IGF1R: variants seen among roughly 807,000 people sequenced by gnomAD.
IGF1R encodes insulin like growth factor 1 receptor, also known as insulin-like growth factor 1 receptor.
Under a neutral mutation model 144.6 loss-of-function variants are expected in IGF1R, and 44 were observed. The observed-to-expected ratio is 0.30, with a 90% confidence interval of 0.24 to 0.39. The LOEUF (loss-of-function observed/expected upper bound fraction) is 0.39. Among genes scored for constraint, IGF1R ranks in the 10% least tolerant of loss-of-function variants. IGF1R has a pLI of 1.00. For synonymous variants in IGF1R, 795 were observed against 722.8 expected, an observed-to-expected ratio of 1.10 and a Z score of -1.60; for missense variants, 1,355 against 1,833.7, an observed-to-expected ratio of 0.74 and a Z score of 4.77.
intron 10 of IGF1R, among the ~76,000 whole-genome samples, chr15:98,918,579 G>A (rs2015349853): frequency 1.3e-5 from 2 of 151,904 alleles, no homozygotes; most frequent in African/African-American, 2.4e-5. Context: ...CTCCTCTCTC[G>A]AAGTTCAAAC....
At chr15:98,846,116 G>GT (rs2141544517) in intron 2 of IGF1R, among the ~76,000 whole-genome samples, 1 of 152,264 alleles carries the variant, frequency 6.6e-6, no homozygotes, top group African/African-American at 2.4e-5. Context: ...TTCTTTGACT[G>GT]TATATACATT....
chr15:98,659,175 A>G (rs1359220234), intron 1 of IGF1R, among the ~76,000 whole-genome samples: 1 of 152,256 alleles, frequency 6.6e-6, no homozygotes, highest in Non-Finnish European at 1.5e-5. Context: ...TAAATGTATA[A>G]TAAAACTTTA....
chr15:98,735,353 G>C (rs183206509), intron 2 of IGF1R, among the ~76,000 whole-genome samples: 2 of 152,352 alleles, frequency 1.3e-5, no homozygotes, highest in Non-Finnish European at 2.9e-5. Context: ...CCGTGACTCT[G>C]CCCACCTGCA....
At chr15:98,848,204 G>C (rs757150916) in intron 2 of IGF1R, among the ~76,000 whole-genome samples, 1 of 152,208 alleles carries the variant, frequency 6.6e-6, no homozygotes, top group African/African-American at 2.4e-5. Context: ...CATGTTTTGG[G>C]TGAGAGTTTG....
At position 98,874,676 on chromosome 15, in the gene IGF1R, G is replaced by A. The variant is rs144646792; in HGVS notation, c.641-16649G>A. Among the ~76,000 whole-genome samples, 9 of 152,274 alleles carry A rather than the reference G, an allele frequency of 5.9e-5. No individual in the cohort carries two copies. The East Asian group carries it at 1.2e-3, about 20-fold the overall frequency. The stretch of plus-strand genomic sequence containing the variant: ...AAGTGAAGACATTTGACTGGATGTC[G>A]TGATCTTGAGTTGCTTTCAGCTCCA... On this transcript the variant is annotated intron_variant, in intron 2 of 20. Coordinates refer to ENST00000650285, the MANE Select transcript of IGF1R (RefSeq NM_000875.5).
At chr15:98,930,166 A>G in intron 14 of IGF1R, 69 bp from the exon 15 acceptor site, 1 of 1,043,312 alleles carries the variant, frequency 9.6e-7, no homozygotes, top group Non-Finnish European at 1.5e-6. Context: ...TGTTGTAGCG[A>G]AGATGAAAGT....
chr15:98,942,004 T>C (rs1361593094), intron 18 of IGF1R, among the ~76,000 whole-genome samples: 1 of 152,134 alleles, frequency 6.6e-6, no homozygotes. Flanking sequence ...ACATGGAAAA[T>C]GGAAGAAATT....
intron 2 of IGF1R, among the ~76,000 whole-genome samples, chr15:98,876,314 T>TAAAAA (rs35359680): frequency 1.4e-5 from 2 of 143,810 alleles, no homozygotes; most frequent in Non-Finnish European, 3.1e-5. Context: ...TATTAAGAGT[T>TAAAAA]AAAAAAAAAA....
At chr15:98,955,460 T>C (rs1265531905) in intron 20 of IGF1R, among the ~76,000 whole-genome samples, 1 of 152,246 alleles carries the variant, frequency 6.6e-6, no homozygotes, top group Admixed American at 6.5e-5. Context: ...TAGTTGTAGC[T>C]GGAAAGCAGC....
intron 17 of IGF1R, 138 bp from the exon 18 acceptor site, chr15:98,939,063 C>T (rs755343082): frequency 9.4e-5 from 67 of 716,138 alleles, no homozygotes; most frequent in Non-Finnish European, 1.3e-4. Flanking sequence ...TTGTTCCTTC[C>T]GAGCAAGTCC....
intron 2 of IGF1R, among the ~76,000 whole-genome samples, chr15:98,741,186 C>T (rs1281016989): frequency 6.8e-6 from 1 of 147,000 alleles, no homozygotes; most frequent in Non-Finnish European, 1.5e-5. Flanking sequence ...TTCCATTAAG[C>T]TGTCTCCATT....
intron 2 of IGF1R, among the ~76,000 whole-genome samples, chr15:98,719,803 C>G (rs1312905952): frequency 6.6e-6 from 1 of 152,222 alleles, no homozygotes; most frequent in African/African-American, 2.4e-5. Context: ...TGACTTGACT[C>G]GGTCCCACTG....
At chr15:98,876,601 T>G (rs571311818) in intron 2 of IGF1R, among the ~76,000 whole-genome samples, 1 of 152,188 alleles carries the variant, frequency 6.6e-6, no homozygotes, top group South Asian at 2.1e-4. Flanking sequence ...GAATGGCAAG[T>G]GTTTTGTTTT....
chr15:98,726,307 A>G (rs2054358496), intron 2 of IGF1R, among the ~76,000 whole-genome samples: 1 of 152,178 alleles, frequency 6.6e-6, no homozygotes, highest in South Asian at 2.1e-4. Context: ...AGCTCACCTA[A>G]TACTTCCTAG....
At chr15:98,815,231 T>A (rs2056671499) in intron 2 of IGF1R, among the ~76,000 whole-genome samples, 3 of 152,244 alleles carry the variant, frequency 2.0e-5, no homozygotes, top group Non-Finnish European at 2.9e-5. Context: ...AGCTCTCTTC[T>A]GGTGAAAGAA....
chr15:98,718,282 A>G (rs1408162030), intron 2 of IGF1R, among the ~76,000 whole-genome samples: 2 of 152,188 alleles, frequency 1.3e-5, no homozygotes, highest in African/African-American at 2.4e-5. Context: ...TTTTTCCCAG[A>G]ATCCATGTGG....
intron 2 of IGF1R, among the ~76,000 whole-genome samples, chr15:98,789,692 C>T (rs976603676): frequency 9.9e-5 from 15 of 152,116 alleles, no homozygotes; most frequent in Non-Finnish European, 1.8e-4. Context: ...GGATGATGCT[C>T]TTATAGTTTA....
chr15:98,669,517 A>T (rs1422833699), intron 1 of IGF1R, among the ~76,000 whole-genome samples: 1 of 152,122 alleles, frequency 6.6e-6, no homozygotes, highest in Non-Finnish European at 1.5e-5. Context: ...GGCTGCTATG[A>T]ATTCTTACTG....
At chr15:98,800,167 C>G (rs1483566372) in intron 2 of IGF1R, among the ~76,000 whole-genome samples, 2 of 152,090 alleles carry the variant, frequency 1.3e-5, no homozygotes, top group Non-Finnish European at 2.9e-5. Flanking sequence ...AAACCAGCCT[C>G]CTTGGCCCTT....
Sources: allele counts gnomAD v4.1 joint callset (sites outside exome capture counted in the v4.1 genomes callset), GRCh38; gene constraint gnomAD v4.1.1; transcripts MANE v1.5; gene names NCBI Gene and HGNC (gene_info 2026-07-23, HGNC 2026-07-21).